Variants in SCGB1D2 observed in about 807,000 individuals in gnomAD.
SCGB1D2 encodes the protein lipophilin-B.
SCGB1D2 carries 10 observed loss-of-function variants against 10.5 expected under a neutral mutation model. The ratio of observed to expected loss-of-function variants is 0.95; its 90% CI spans 0.59 to 1.61. The LOEUF is 1.61. SCGB1D2 is among the 40% of genes most tolerant of loss of function. The pLI, the probability that SCGB1D2 is intolerant of heterozygous loss-of-function variation, is 0.00. For synonymous variants in SCGB1D2, 42 were observed against 42.8 expected (o/e 0.98, Z 0.08); for missense variants, 113 against 103.8 (o/e 1.09, Z -0.38).
Position 62,243,491 on chromosome 11 carries a change from C to T in SCGB1D2, c.243+15C>T. 6.2e-7 allele frequency: 1 copy of T among 1,605,902 alleles called. No individual in the cohort carries two copies. ...CGGAAGTCCTGGTAACTTCTTTCTC[C>T]TTTATTTGTTAAGGCTTCTGGTCAG... On this transcript the variant is annotated intron_variant, in intron 2 of 2. Coordinates refer to ENST00000244926, the MANE Select transcript of SCGB1D2 (RefSeq NM_006551.4).
chr11:62,243,600 G>A (rs1456178495), intron 2 of SCGB1D2, 124 bp downstream of exon 2: 4 of 794,514 alleles, frequency 5.0e-6, no homozygotes, highest in Non-Finnish European at 8.1e-6. Context: ...CACCTCTTGA[G>A]AAGGTCACCT....
chr11:62,242,832 A>G (rs141782080), intron 1 of SCGB1D2, among the ~76,000 whole-genome samples: 34 of 152,342 alleles, frequency 2.2e-4, no homozygotes, highest in Admixed American at 9.8e-4. Flanking sequence ...TCATGCCTGT[A>G]ATCCTAGCAC....
chr11:62,244,770 G>C lies in SCGB1D2; in HGVS notation c.*71G>C. 1 of 1,293,210 alleles carries C rather than the reference G, an allele frequency of 7.7e-7. No homozygotes were observed. Among genetic ancestry groups the C allele is most frequent in the Non-Finnish European group, 1.1e-6 (1 of 896,592 alleles). 80.1% of individuals were successfully genotyped at this position (1,293,210 alleles called of 1,614,324 possible). On this transcript the variant is annotated 3_prime_UTR_variant, in exon 3 of 3. Transcript: ENST00000244926. ...CCTGATCTTCACTGCAGAATGTAAA[G>C]GTTTCAACGTCTTGCTTTAATAAAT...
In SCGB1D2 at chr11:62,242,267, C is replaced by A. The variant is rs1945068460; in HGVS notation, c.-41C>A. ...CTCCTGGGGTGGAGTCCAAATCACTCATTGTTTGTGAAAGCTGAGCTCACA... is the reference window on the plus strand; with the variant it reads ...CTCCTGGGGTGGAGTCCAAATCACTAATTGTTTGTGAAAGCTGAGCTCACA... On this transcript the variant is annotated 5_prime_UTR_variant, in exon 1 of 3. Transcript: ENST00000244926. 1 of 1,610,872 alleles carries A rather than the reference C, an allele frequency of 6.2e-7. No individual in the cohort carries two copies. Among genetic ancestry groups the A allele is most frequent in the African/African-American group, 1.3e-5 (1 of 74,954 alleles).
At chr11:62,243,134 G>C (rs1330340530) in intron 1 of SCGB1D2, among the ~76,000 whole-genome samples, 155 bp from the exon 2 acceptor site, 1 of 152,202 alleles carries the variant, frequency 6.6e-6, no homozygotes, top group Admixed American at 6.5e-5. Context: ...GTGAGAGCTT[G>C]AGGAAGTCAC....
At chr11:62,242,546 G>A (rs1008992799) in intron 1 of SCGB1D2, among the ~76,000 whole-genome samples, 184 bp downstream of exon 1, 3 of 152,152 alleles carry the variant, frequency 2.0e-5, no homozygotes, top group Non-Finnish European at 4.4e-5. Context: ...CAGCACCTAC[G>A]AAGTTTTATT....
intron 2 of SCGB1D2, 91 bp downstream of exon 2, chr11:62,243,567 G>A (rs559216188): frequency 1.8e-6 from 2 of 1,137,734 alleles, no homozygotes; most frequent in Non-Finnish European, 2.5e-6. Flanking sequence ...GGACACAGGT[G>A]GTGGGGCAGC....
Position 62,242,374 on chromosome 11 carries a change from A to G in SCGB1D2, c.55+12A>G, listed in dbSNP as rs1590664227. 6 of 1,613,816 alleles carry G rather than the reference A, an allele frequency of 3.7e-6. No homozygotes were observed. The East Asian group carries it at 1.3e-4, about 36-fold the overall frequency. On this transcript the variant is annotated intron_variant, in intron 1 of 2. Coordinates refer to ENST00000244926, the MANE Select transcript of SCGB1D2 (RefSeq NM_006551.4). ...CTGCTGCTACCAGGGTGAGTACATC[A>G]GTCATGAGTCTAGCTCCAGCCCCTG...
At chr11:62,242,441 G>T (rs1414633977) in intron 1 of SCGB1D2, 79 bp downstream of exon 1, 14 of 1,486,996 alleles carry the variant, frequency 9.4e-6, no homozygotes, top group Admixed American at 1.7e-5. Context: ...TATTCAGGCT[G>T]GGGTTAGGAT....
In SCGB1D2 at chr11:62,243,296, C is replaced by G; in HGVS notation, c.63C>G (p.Ala21=). 1.2e-6 allele frequency: 2 copies of G among 1,610,366 alleles called. No homozygotes were observed. Among genetic ancestry groups the G allele is most frequent in the Non-Finnish European group, 1.7e-6 (2 of 1,178,100 alleles). ...TLALCCYQAN[A]EFCPALVSEL... is the part of the protein sequence containing the mutation. ...TTTATTCTTTTGCTGCAGCCAATGC[C>G]GAGTTCTGCCCAGCTCTTGTTTCTG... Residue 21 remains alanine (A), a synonymous_variant, in exon 2 of 3, where the codon GCC becomes GCG. Transcript: ENST00000244926.
intron 1 of SCGB1D2, 140 bp downstream of exon 1, chr11:62,242,502 C>T (rs1945071269): frequency 2.6e-6 from 2 of 756,084 alleles, no homozygotes; most frequent in Non-Finnish European, 4.4e-6. Flanking sequence ...TGAACAAGCC[C>T]CTCATCAAGT....
At chr11:62,242,872 G>A (rs1401870911) in intron 1 of SCGB1D2, among the ~76,000 whole-genome samples, 11 of 152,228 alleles carry the variant, frequency 7.2e-5, no homozygotes, top group Non-Finnish European at 7.3e-5. Context: ...TGAATTGCTT[G>A]AGCTCAGGAG....
Position 62,243,352 on chromosome 11 carries a change from C to G in SCGB1D2, c.119C>G (p.Pro40Arg). 1 of 1,613,966 alleles carries G rather than the reference C, an allele frequency of 6.2e-7. No homozygotes were observed. The highest frequency in any genetic ancestry group is 8.5e-7 in the Non-Finnish European group (1 of 1,179,826). Residue 40 changes from proline (P) to arginine (R), a missense_variant, in exon 2 of 3, where the codon CCT becomes CGT. Physicochemically the swap from Pro to Arg is moderately radical, Grantham distance 103. Transcript: ENST00000244926. Reference sequence around the variant, plus strand: ...TTAGACTTCTTCTTCATTAGTGAACCTCTGTTCAAGTTAAGTCTTGCCAAA... The same window carrying G: ...TTAGACTTCTTCTTCATTAGTGAACGTCTGTTCAAGTTAAGTCTTGCCAAA... ...ELLDFFFISE[P>R]LFKLSLAKFD...
chr11:62,242,393 GC>G, intron 1 of SCGB1D2, 31 bp downstream of exon 1: 1 of 1,612,060 alleles, frequency 6.2e-7, no homozygotes, highest in Non-Finnish European at 8.5e-7. Context: ...TCTAGCTCCA[GC>G]CCCTGGGAAG....
chr11:62,244,230 C>T (rs1006886994), intron 2 of SCGB1D2, among the ~76,000 whole-genome samples: 10 of 152,138 alleles, frequency 6.6e-5, no homozygotes, highest in Non-Finnish European at 8.8e-5. Context: ...GAGAGGTGCT[C>T]GGGCCCTGAG....
chr11:62,244,342 G>A lies in SCGB1D2; in HGVS notation c.244-328G>A, dbSNP rs1729355. ...TCTCAGTCCTGGGTCCCTCACTGCA[G>A]GAACCAGGAGACTCCAAGCCCTGGG... On this transcript the variant is annotated intron_variant, in intron 2 of 2. Transcript: ENST00000244926. 1.4e-3 allele frequency among the ~76,000 whole-genome samples: 216 copies of A among 152,240 alleles called. 1 individual carries two copies. Among genetic ancestry groups the A allele is most frequent in the African/African-American group, 5.0e-3 (207 of 41,556 alleles).
In SCGB1D2 at chr11:62,243,428, C is replaced by T; in HGVS notation, c.195C>T (p.Cys65=). 2.5e-6 allele frequency: 4 copies of T among 1,614,088 alleles called. No homozygotes were observed. The highest frequency in any genetic ancestry group is 3.4e-6 in the Non-Finnish European group (4 of 1,179,976). Residue 65 remains cysteine (C), a synonymous_variant, in exon 2 of 3, where the codon TGC becomes TGT. Coordinates refer to ENST00000244926, the MANE Select transcript of SCGB1D2 (RefSeq NM_006551.4). ...AVAAKLGVKR[C]TDQMSLQKRS... is the part of the protein sequence containing the mutation. ...CAGCCAAGTTAGGAGTGAAGAGATG[C>T]ACGGATCAGATGTCCCTTCAGAAAC...
intron 2 of SCGB1D2, 46 bp downstream of exon 2, chr11:62,243,522 C>T (rs1945082184): frequency 3.3e-6 from 5 of 1,528,222 alleles, no homozygotes; most frequent in Non-Finnish European, 4.5e-6. Context: ...GTCAGCTGCA[C>T]AGTATGAAGT....
intron 2 of SCGB1D2, among the ~76,000 whole-genome samples, chr11:62,243,844 C>G (rs1347263932): frequency 6.6e-6 from 1 of 152,164 alleles, no homozygotes; most frequent in East Asian, 1.9e-4. Context: ...TGGACACAGT[C>G]ACTGTGGAAT....
Sources: gnomAD v4.1 joint callset for allele counts (sites outside exome capture counted in the v4.1 genomes callset) on GRCh38, gnomAD v4.1.1 for gene constraint, MANE v1.5 for transcripts, NCBI Gene and HGNC (gene_info 2026-07-23, HGNC 2026-07-21) for gene names.